Variants in DLEU7 observed in about 807,000 individuals in gnomAD.
The protein encoded by DLEU7 is leukemia-associated protein 7.
DLEU7 carries 17 observed loss-of-function variants against 16.0 expected under a neutral mutation model. That is an observed-to-expected ratio of 1.06 (90% CI 0.73 to 1.59). The LOEUF (loss-of-function observed/expected upper bound fraction) is 1.59. Ranked by LOEUF, DLEU7 falls within the 40% of genes most tolerant of loss-of-function variation. The probability of loss-of-function intolerance (pLI) is 0.00; values close to 1 mark genes in which losing one functional copy is unlikely to be tolerated. For synonymous variants in DLEU7, 113 were observed against 139.8 expected (o/e 0.81, Z 1.35); for missense variants, 308 against 314.9 (o/e 0.98, Z 0.17).
chr13:50,747,873 G>T (rs754435848), intron 1 of DLEU7, among the ~76,000 whole-genome samples: 9 of 152,212 alleles, frequency 5.9e-5, no homozygotes, highest in Non-Finnish European at 1.3e-4. Context: ...TTGACACAAT[G>T]AGCATGGCTT....
At chr13:50,781,748 G>A (rs562490809) in intron 1 of DLEU7, among the ~76,000 whole-genome samples, 5 of 152,262 alleles carry the variant, frequency 3.3e-5, no homozygotes, top group African/African-American at 1.2e-4. Flanking sequence ...ACACTAGGAA[G>A]TTGTGATAAT....
At chr13:50,773,975 G>C (rs186752978) in intron 1 of DLEU7, among the ~76,000 whole-genome samples, 7 of 152,156 alleles carry the variant, frequency 4.6e-5, no homozygotes, top group African/African-American at 7.2e-5. Flanking sequence ...CAGCAATGGC[G>C]GACGCCCCTC....
In DLEU7 at chr13:50,767,411, G is replaced by A. The variant is rs549186534; in HGVS notation, c.460-54171C>T. Among the ~76,000 whole-genome samples the A allele has an allele frequency of 5.4e-3, 779 of 143,110 alleles. 11 individuals carry two copies. Among genetic ancestry groups the A allele is most frequent in the Non-Finnish European group, 7.2e-3 (483 of 67,026 alleles). The allele number at this position is 143,110 out of a possible 152,430, so 93.9% of individuals were successfully genotyped here. Reference sequence around the variant, plus strand: ...GCGGAGCTTGCAGTGAGCCGAGATCGCGCCACTGCACTCCAGCCTGGGCGA... The same window carrying A: ...GCGGAGCTTGCAGTGAGCCGAGATCACGCCACTGCACTCCAGCCTGGGCGA... On this transcript the variant is annotated intron_variant, in intron 1 of 1. Transcript: ENST00000400393.
intron 1 of DLEU7, among the ~76,000 whole-genome samples, chr13:50,837,190 C>T (rs1415486470): frequency 6.6e-6 from 1 of 152,180 alleles, no homozygotes; most frequent in Non-Finnish European, 1.5e-5. Flanking sequence ...AACTAAGGCT[C>T]CTGATGCATT....
At chr13:50,782,790 ACT>A (rs1321218087) in intron 1 of DLEU7, among the ~76,000 whole-genome samples, 1 of 148,392 alleles carries the variant, frequency 6.7e-6, no homozygotes, top group Non-Finnish European at 1.5e-5. Context: ...AAAAAAAAAA[ACT>A]CTTCAGGATA....
In DLEU7 at chr13:50,843,361, C is replaced by A. The variant is rs568190318; in HGVS notation, c.286G>T (p.Gly96Trp). 8 of 1,426,582 alleles carry A rather than the reference C, an allele frequency of 5.6e-6. No homozygotes were observed. In the South Asian group the frequency reaches 7.4e-5, roughly 13 times the overall value. The allele number at this position is 1,426,582 out of a possible 1,614,324, so 88.4% of individuals were successfully genotyped here. The change falls in exon 1 of 2, where the codon GGG becomes TGG. Residue 96 changes from glycine (G) to tryptophan (W), a missense_variant. Transcript: ENST00000504404. The surrounding 1 kb of genome is among the most constrained non-coding windows in gnomAD (Gnocchi z 5.7). The part of the protein sequence containing the change: ...PEEEVVRGAE[G>W]GAELLPFPRD... ...GGGAAGGGCAGCAACTCGGCGCCCC[C>A]CTCAGCGCCTCGCACTACCTCCTCC... is the stretch of plus-strand genomic sequence containing the variant.
At chr13:50,786,440 T>C (rs187605592) in intron 1 of DLEU7, among the ~76,000 whole-genome samples, 16 of 152,314 alleles carry the variant, frequency 1.1e-4, no homozygotes, top group African/African-American at 3.1e-4. Context: ...CAATTTACCA[T>C]GTAGGTTAAT....
chr13:50,741,183 A>G (rs951034033), intron 1 of DLEU7, among the ~76,000 whole-genome samples: 1 of 152,212 alleles, frequency 6.6e-6, no homozygotes, highest in Non-Finnish European at 1.5e-5. Context: ...TTTGTTTTCC[A>G]ATTAGAAGAG....
In DLEU7 at chr13:50,787,525, C is replaced by T. The variant is rs1593395541; in HGVS notation, c.459+55663G>A. ...CCTCACTGGCCATATCAAATCCCTG[C>T]AGAAGTCACCTGAACCACCTCCCAC... On this transcript the variant is annotated intron_variant, in intron 1 of 1. Coordinates refer to the DLEU7 transcript ENST00000400393. 3.9e-5 allele frequency among the ~76,000 whole-genome samples: 6 copies of T among 152,188 alleles called. No individual in the cohort carries two copies. The South Asian group carries it at 1.2e-3, about 32-fold the overall frequency.
Position 50,767,865 on chromosome 13 carries a change from G to A in DLEU7, c.460-54625C>T, listed in dbSNP as rs1566244565. Among the ~76,000 whole-genome samples, 3 of 152,274 alleles carry A rather than the reference G, an allele frequency of 2.0e-5. No individual in the cohort carries two copies. The South Asian group carries it at 6.2e-4, about 32-fold the overall frequency. ...CAAGCCTCCGTGATGCTTTCTTCTGGCTGTTCTCTAGCACTAGTCCCAGCC... is the reference window on the plus strand; with the variant it reads ...CAAGCCTCCGTGATGCTTTCTTCTGACTGTTCTCTAGCACTAGTCCCAGCC... On this transcript the variant is annotated intron_variant, in intron 1 of 1. Coordinates refer to the DLEU7 transcript ENST00000400393.
intron 1 of DLEU7, among the ~76,000 whole-genome samples, chr13:50,792,761 C>T (rs1407702523): frequency 6.6e-6 from 1 of 151,776 alleles, no homozygotes; most frequent in Non-Finnish European, 1.5e-5. Flanking sequence ...AAAGGCCTCC[C>T]TTACCCAATC....
intron 1 of DLEU7, among the ~76,000 whole-genome samples, chr13:50,774,239 C>G (rs1320309347): frequency 6.6e-6 from 1 of 152,150 alleles, no homozygotes; most frequent in Admixed American, 6.5e-5. Flanking sequence ...AAGTGATACC[C>G]CACTCTGCTT....
Position 50,755,743 on chromosome 13 carries a change from AT to A in DLEU7, c.460-42504del, listed in dbSNP as rs984016378. On this transcript the variant is annotated intron_variant, in intron 1 of 1. Coordinates refer to the DLEU7 transcript ENST00000400393. ...TATCCATTGCTGGTGAGCTAATGTG[AT>A]TTTTTTTTGAGGGGGGGGGCACGGT... is the stretch of plus-strand genomic sequence containing the variant. Among the ~76,000 whole-genome samples the A allele has an allele frequency of 1.2e-4, 14 of 121,070 alleles. No homozygotes were observed. The East Asian group carries it at 1.9e-3, about 16-fold the overall frequency. The allele number at this position is 121,070 out of a possible 152,430, so 79.4% of individuals were successfully genotyped here. A position where few individuals can be genotyped will look rare whatever the true frequency, so the allele number is the denominator to read the frequency against.
chr13:50,789,923 TTC>T (rs1162737817), intron 1 of DLEU7, among the ~76,000 whole-genome samples: 3 of 53,100 alleles, frequency 5.6e-5, no homozygotes, highest in African/African-American at 2.2e-4. Flanking sequence ...TTTTTTCTCT[TTC>T]TTTCTTTCTT....
At chr13:50,747,324 G>A (rs1277437325) in intron 1 of DLEU7, among the ~76,000 whole-genome samples, 6 of 137,184 alleles carry the variant, frequency 4.4e-5, no homozygotes, top group Admixed American at 1.5e-4. Context: ...AAAAAGAAAA[G>A]AAAAACTCTG....
intron 1 of DLEU7, among the ~76,000 whole-genome samples, chr13:50,797,062 C>T (rs1876127557): frequency 6.6e-6 from 1 of 152,136 alleles, no homozygotes; most frequent in African/African-American, 2.4e-5. Context: ...GGTTTTGAAA[C>T]AGACTTGATG....
At chr13:50,765,423 TGAG>T (rs1170774626) in intron 1 of DLEU7, among the ~76,000 whole-genome samples, 24 of 145,794 alleles carry the variant, frequency 1.6e-4, no homozygotes, top group African/African-American at 4.8e-4. Flanking sequence ...GAAGAGAAAA[TGAG>T]GAGGAAGGAG....
chr13:50,811,848 C>A (rs922006896), intron 1 of DLEU7, among the ~76,000 whole-genome samples: 1 of 152,062 alleles, frequency 6.6e-6, no homozygotes, highest in East Asian at 1.9e-4. Flanking sequence ...GCAGGCGGAT[C>A]ACTTGAGGTC....
chr13:50,788,516 C>T (rs889534267), intron 1 of DLEU7, among the ~76,000 whole-genome samples: 1 of 152,286 alleles, frequency 6.6e-6, no homozygotes, highest in East Asian at 1.9e-4. Context: ...AAATACTGAG[C>T]CTCCATCAAT....
Sources: allele counts gnomAD v4.1 joint callset (sites outside exome capture counted in the v4.1 genomes callset), GRCh38; gene constraint gnomAD v4.1.1; non-coding constraint Gnocchi (gnomAD v3.1); transcripts MANE v1.5; gene names NCBI Gene and HGNC (gene_info 2026-07-23, HGNC 2026-07-21).